CELF2: variants seen among roughly 807,000 people sequenced by gnomAD.
CELF2 encodes the protein CUGBP Elav-like family member 2, also known as CUG triplet repeat RNA-binding protein 2.
Under a neutral mutation model 62.6 loss-of-function variants are expected in CELF2, and 8 were observed. That is an observed-to-expected ratio of 0.13 (90% confidence interval 0.07 to 0.23). The LOEUF is 0.23. Among genes scored for constraint, CELF2 ranks in the 10% least tolerant of loss-of-function variants. The pLI, the probability that CELF2 is intolerant of heterozygous loss-of-function variation, is 1.00. For missense variants in CELF2, 333 were observed against 671.0 expected (o/e 0.50, Z 5.56); for synonymous variants, 258 against 250.0 (o/e 1.03, Z -0.30).
chr10:11,073,997 T>C (rs1381601611), intron 1 of CELF2, among the ~76,000 whole-genome samples: 1 of 152,234 alleles, frequency 6.6e-6, no homozygotes, highest in East Asian at 1.9e-4. Context: ...AGATAAGTGA[T>C]TTCTAGCCTC....
chr10:10,807,312 A>T (rs2055336050), intron 1 of CELF2, among the ~76,000 whole-genome samples: 1 of 152,230 alleles, frequency 6.6e-6, no homozygotes, highest in South Asian at 2.1e-4. Context: ...AAATCCTGTA[A>T]GCCAGGTATC....
intron 9 of CELF2, among the ~76,000 whole-genome samples, chr10:11,308,813 A>G (rs1477012351): frequency 6.6e-6 from 1 of 151,066 alleles, no homozygotes; most frequent in African/African-American, 2.4e-5. Context: ...GCCGTTTGCC[A>G]TTTGCCTGGT....
chr10:10,929,439 AAG>A (rs2065852698), intron 2 of CELF2, among the ~76,000 whole-genome samples: 1 of 152,228 alleles, frequency 6.6e-6, no homozygotes, highest in South Asian at 2.1e-4. Flanking sequence ...AGTTCACTGA[AAG>A]AGAGGATTAT....
At chr10:11,069,684 T>C (rs915193751) in intron 1 of CELF2, among the ~76,000 whole-genome samples, 8 of 152,186 alleles carry the variant, frequency 5.3e-5, no homozygotes, top group African/African-American at 1.4e-4. Flanking sequence ...GAATATATGA[T>C]GTAGAAATGA....
chr10:10,721,718 G>A, the CELF2 span, among the ~76,000 whole-genome samples: 19 of 152,100 alleles, frequency 1.2e-4, no homozygotes, highest in South Asian at 3.3e-3. Flanking sequence ...CATTCCATAC[G>A]TGGCTTCTCT....
rs2065730344 is a variant in CELF2, at chr10:10,928,231, T to C, written c.89+8232T>C. On this transcript the variant is annotated intron_variant, in intron 2 of 13. Coordinates refer to the CELF2 transcript ENST00000636488. This position sits in a 1 kb window ranked among gnomAD's most constrained non-coding sequence, Gnocchi z 4.8. Reference sequence around the variant, plus strand: ...ATGTCTCCCTTGCCTGTCCGGTTTATTCCTCCATTTGTAGGACCCTGAACA... The same window carrying C: ...ATGTCTCCCTTGCCTGTCCGGTTTACTCCTCCATTTGTAGGACCCTGAACA... Among the ~76,000 whole-genome samples the C allele has an allele frequency of 6.6e-6, 1 of 152,248 alleles. No individual in the cohort carries two copies. The highest frequency in any genetic ancestry group is 1.5e-5 in the Non-Finnish European group (1 of 68,046).
chr10:11,300,776 G>A lies in CELF2; in HGVS notation c.976+12224G>A, dbSNP rs935125874. Among the ~76,000 whole-genome samples the A allele has an allele frequency of 6.6e-6, 1 of 152,106 alleles. No individual in the cohort carries two copies. Among genetic ancestry groups the A allele is most frequent in the South Asian group, 2.1e-4 (1 of 4,816 alleles). The stretch of plus-strand genomic sequence containing the variant: ...CCAAGCTCGTTTGAGGCAAAACGGC[G>A]ACCGCGGGCTCCAGTGTCCTGAGTA... On this transcript the variant is annotated intron_variant, in intron 9 of 12. Transcript: ENST00000633077. The surrounding 1 kb of genome is among the most constrained non-coding windows in gnomAD (Gnocchi z 5.5).
At chr10:11,189,621 G>A (rs1222519034) in intron 2 of CELF2, among the ~76,000 whole-genome samples, 1 of 152,152 alleles carries the variant, frequency 6.6e-6, no homozygotes, top group African/African-American at 2.4e-5. Context: ...GAGTATACTG[G>A]GTCCTGCCTG....
intron 2 of CELF2, among the ~76,000 whole-genome samples, chr10:11,198,577 T>C (rs1239893245): frequency 1.3e-5 from 2 of 152,262 alleles, no homozygotes; most frequent in Admixed American, 1.3e-4. Context: ...CAGTTTTCTT[T>C]TGTTCTGAAA....
At chr10:10,868,734 T>G (rs1318230111) in intron 1 of CELF2, among the ~76,000 whole-genome samples, 2 of 152,240 alleles carry the variant, frequency 1.3e-5, no homozygotes, top group African/African-American at 4.8e-5. Context: ...ATCACTATGT[T>G]GTTAAAAGAA....
At chr10:10,769,289 T>C in the CELF2 span, among the ~76,000 whole-genome samples, 1 of 152,100 alleles carries the variant, frequency 6.6e-6, no homozygotes, top group Admixed American at 6.5e-5. Context: ...TAGAGATTGG[T>C]CCATCAATGA....
At chr10:10,822,693 G>A (rs1309490640) in intron 1 of CELF2, among the ~76,000 whole-genome samples, 1 of 152,150 alleles carries the variant, frequency 6.6e-6, no homozygotes, top group East Asian at 1.9e-4. Flanking sequence ...GAGGTTCTTT[G>A]CTTCCTTTCT....
At chr10:10,483,889 G>GTC in the CELF2 span, among the ~76,000 whole-genome samples, 1 of 145,134 alleles carries the variant, frequency 6.9e-6, no homozygotes, top group African/African-American at 2.6e-5. Flanking sequence ...TCTCTCTCTC[G>GTC]TCTCTCTCTC....
At chr10:11,015,388 T>C (rs1435106174), upstream of CELF2, among the ~76,000 whole-genome samples, 1 of 152,220 alleles carries the variant, frequency 6.6e-6, no homozygotes, top group African/African-American at 2.4e-5. The surrounding 1 kb of genome is among the most constrained non-coding windows in gnomAD (Gnocchi z 4.8). Context: ...AAGCTACAAA[T>C]GGAAGATTGT....
At chr10:10,621,461 C>T in the CELF2 span, among the ~76,000 whole-genome samples, 1 of 152,122 alleles carries the variant, frequency 6.6e-6, no homozygotes, top group Non-Finnish European at 1.5e-5. Flanking sequence ...TAGGTCTCCA[C>T]CCACAGAAAG....
chr10:10,938,738 G>T lies in CELF2; in HGVS notation c.89+18739G>T, dbSNP rs1010397319. Among the ~76,000 whole-genome samples the T allele has an allele frequency of 6.6e-6, 1 of 152,144 alleles. No individual in the cohort carries two copies. Among genetic ancestry groups the T allele is most frequent in the Non-Finnish European group, 1.5e-5 (1 of 68,010 alleles). ...AGGGAGGGGGATGTGAGACAGGAAT[G>T]GGGGAGGTCAGCAAAGCCTGAGTGT... On this transcript the variant is annotated intron_variant, in intron 2 of 13. Transcript: ENST00000636488. The surrounding 1 kb of genome is among the most constrained non-coding windows in gnomAD (Gnocchi z 4.2).
the CELF2 span, among the ~76,000 whole-genome samples, chr10:10,627,296 G>T: frequency 6.6e-6 from 1 of 152,140 alleles, no homozygotes; most frequent in African/African-American, 2.4e-5. Flanking sequence ...GGCTCTCTAG[G>T]AATGATTAGA....
rs2046617867 is a variant in CELF2, at chr10:10,938,038, AC to A, written c.89+18040del. ...TATTCCCATTCAGTCTATCCCCTCAACTAAAGTAAACTGAGGTATCTTAGAT... is the reference window on the plus strand; with the variant it reads ...TATTCCCATTCAGTCTATCCCCTCAATAAAGTAAACTGAGGTATCTTAGAT... On this transcript the variant is annotated intron_variant, in intron 2 of 13. Coordinates refer to the CELF2 transcript ENST00000636488. The surrounding 1 kb of genome is among the most constrained non-coding windows in gnomAD (Gnocchi z 4.2). 6.6e-6 allele frequency among the ~76,000 whole-genome samples: 1 copy of A among 152,188 alleles called. No individual in the cohort carries two copies. Among genetic ancestry groups the A allele is most frequent in the African/African-American group, 2.4e-5 (1 of 41,452 alleles).
chr10:11,151,933 G>A (rs944691661), intron 1 of CELF2, among the ~76,000 whole-genome samples: 7 of 152,158 alleles, frequency 4.6e-5, no homozygotes, highest in East Asian at 1.9e-4. Context: ...GGAGGCAGGC[G>A]TGGGGCAGTC....
Sources: gnomAD v4.1 joint callset for allele counts (sites outside exome capture counted in the v4.1 genomes callset) on GRCh38, gnomAD v4.1.1 for gene constraint, Gnocchi (gnomAD v3.1) non-coding constraint, MANE v1.5 for transcripts, NCBI Gene and HGNC (gene_info 2026-07-23, HGNC 2026-07-21) for gene names.